The following LPP variants were observed in gnomAD, a reference collection of about 807,000 sequenced individuals.
LPP encodes LIM domain containing preferred translocation partner in lipoma, also known as lipoma-preferred partner.
In LPP, 38 loss-of-function variants were observed where a neutral mutation model predicts 60.4. That is an observed-to-expected ratio of 0.63 (90% CI 0.49 to 0.83). The LOEUF (loss-of-function observed/expected upper bound fraction) is 0.83. Ranked by LOEUF, LPP falls within the 40% of genes least tolerant of loss-of-function variation. LPP has a pLI of 0.00. For missense variants in LPP, 902 were observed against 783.6 expected (o/e 1.15, Z -1.80); for synonymous variants, 328 against 290.8 (o/e 1.13, Z -1.30).
chr3:188,648,682 C>T (rs1851541771), intron 7 of LPP, among the ~76,000 whole-genome samples: 1 of 152,104 alleles, frequency 6.6e-6, no homozygotes, highest in African/African-American at 2.4e-5. Flanking sequence ...ATAGTACCCT[C>T]ATTTGGGTAT....
rs375955625 is a variant in LPP, at chr3:188,353,641, G to GGTTC, written c.-10+11923_-10+11926dup. Among the ~76,000 whole-genome samples, 330 of 152,256 alleles carry GGTTC rather than the reference G, an allele frequency of 2.2e-3. 1 individual carries two copies. The highest frequency in any genetic ancestry group is 7.5e-3 in the African/African-American group (313 of 41,558). ...GAAGAGGTCTTACTTCATTGACAGT[G>GGTTC]GTTCAGCCTTCTGCTGAGGAGTCTT... On this transcript the variant is annotated intron_variant, in intron 3 of 11. Transcript: ENST00000617246.
intron 7 of LPP, among the ~76,000 whole-genome samples, chr3:188,660,138 C>T (rs1161170603): frequency 6.6e-6 from 1 of 152,044 alleles, no homozygotes; most frequent in Non-Finnish European, 1.5e-5. Flanking sequence ...CATAGATTTG[C>T]TTTTTGGTTT....
At chr3:188,821,835 C>T (rs949920538) in intron 9 of LPP, among the ~76,000 whole-genome samples, 17 of 152,008 alleles carry the variant, frequency 1.1e-4, no homozygotes, top group Admixed American at 9.2e-4. Context: ...TTTTTTTACT[C>T]ATTCTTCTAT....
chr3:188,782,068 C>A (rs1001742004), intron 9 of LPP, among the ~76,000 whole-genome samples: 1 of 152,084 alleles, frequency 6.6e-6, no homozygotes, highest in Non-Finnish European at 1.5e-5. Flanking sequence ...CATGGATCTT[C>A]TGATATGCTT....
At chr3:188,236,282 A>T (rs1222892266) in intron 2 of LPP, among the ~76,000 whole-genome samples, 1 of 152,190 alleles carries the variant, frequency 6.6e-6, no homozygotes, top group Non-Finnish European at 1.5e-5. Flanking sequence ...ACAAATGTAA[A>T]TTCACTGGCC....
rs1769966795 is a variant in LPP, at chr3:188,881,156, A to AAAAAAAAAAAAAAAAAAAAAAAAG, written c.*6679_*6680insAAAAAAAAAAAAAAAAAAAAAGAA. The AAAAAAAAAAAAAAAAAAAAAAAAG allele has an allele frequency of 6.0e-6, 1 of 167,204 alleles. No individual in the cohort carries two copies. The highest frequency in any genetic ancestry group is 1.3e-5 in the Non-Finnish European group (1 of 76,758). 10.4% of individuals were successfully genotyped at this position (167,204 alleles called of 1,614,324 possible). A position where few individuals can be genotyped will look rare whatever the true frequency, so the allele number is the denominator to read the frequency against. On this transcript the variant is annotated 3_prime_UTR_variant, in exon 12 of 12. Coordinates refer to ENST00000617246, the MANE Select transcript of LPP (RefSeq NM_001375462.1). Reference sequence around the variant, plus strand: ...CTCCGTCTCAAAAAAAAAAAAAAAAAAATAGGATCATGGCCCTTTTAAAGA... The same window carrying AAAAAAAAAAAAAAAAAAAAAAAAG: ...CTCCGTCTCAAAAAAAAAAAAAAAAAAAAAAAAAAAAAAAAAAAAAAAAGAATAGGATCATGGCCCTTTTAAAGA...
In LPP at chr3:188,875,162, T is replaced by G. The variant is rs1335595461; in HGVS notation, c.*683T>G. ...TTATCGGCCCATAGCTAATAAGTAG[T>G]GACAGACAACCAAGCTTCAATATTT... On this transcript the variant is annotated 3_prime_UTR_variant, in exon 12 of 12. Transcript: ENST00000617246. 3 of 217,718 alleles carry G rather than the reference T, an allele frequency of 1.4e-5. No individual in the cohort carries two copies. The highest frequency in any genetic ancestry group is 2.2e-5 in the African/African-American group (1 of 44,478). 13.5% of individuals were successfully genotyped at this position (217,718 alleles called of 1,614,324 possible).
intron 2 of LPP, among the ~76,000 whole-genome samples, chr3:188,239,012 A>T (rs1722884817): frequency 6.6e-6 from 1 of 152,264 alleles, no homozygotes; most frequent in Non-Finnish European, 1.5e-5. Flanking sequence ...TGTGATTCAA[A>T]GAATCCACAT....
intron 7 of LPP, among the ~76,000 whole-genome samples, chr3:188,667,443 A>G (rs993966917): frequency 4.7e-5 from 7 of 150,418 alleles, no homozygotes; most frequent in African/African-American, 1.7e-4. Context: ...ACACCACTGC[A>G]CTCCAGCCTG....
intron 2 of LPP, among the ~76,000 whole-genome samples, chr3:188,272,716 A>T (rs1052721368): frequency 1.3e-5 from 2 of 152,210 alleles, no homozygotes; most frequent in Admixed American, 6.5e-5. Context: ...AGTAAGCACA[A>T]TACATCTTTT....
chr3:188,222,671 C>T (rs1418516482), intron 1 of LPP, among the ~76,000 whole-genome samples: 3 of 152,004 alleles, frequency 2.0e-5, no homozygotes, highest in African/African-American at 7.3e-5. Flanking sequence ...GGGGGCAGCA[C>T]TAATTCAGGG....
chr3:188,713,088 T>C (rs1005242695), intron 8 of LPP, among the ~76,000 whole-genome samples: 8 of 152,036 alleles, frequency 5.3e-5, no homozygotes, highest in Admixed American at 3.9e-4. Context: ...AATGGAGAGG[T>C]CTCCTGGAAG....
intron 3 of LPP, among the ~76,000 whole-genome samples, chr3:188,402,165 T>A (rs1215319399): frequency 1.3e-5 from 2 of 152,084 alleles, no homozygotes; most frequent in Non-Finnish European, 2.9e-5. Context: ...AACCAGATAA[T>A]TCCAGTGTAG....
rs569394566 is a variant in LPP at position 188,376,558 on chromosome 3, A to G, written c.-9-29554A>G. On this transcript the variant is annotated intron_variant, in intron 3 of 11. Transcript: ENST00000617246. ...CCTTTTTTTGTTTTCCATTTGCTTG[A>G]TAGATCTTCCTCCATGCCTTTATTT... Among the ~76,000 whole-genome samples the G allele has an allele frequency of 4.0e-3, 603 of 152,070 alleles. 9 individuals are homozygous for G. The highest frequency in any genetic ancestry group is 0.014 in the African/African-American group (588 of 41,440).
At position 188,196,822 on chromosome 3, in the gene LPP, C is replaced by T. The variant is rs145711504; in HGVS notation, c.-189-28583C>T. ...ATGATCTTGTGCTCTAGGAATATACCTGGGATTCTCTGTAGCTCCCGTGAC... is the reference window on the plus strand; with the variant it reads ...ATGATCTTGTGCTCTAGGAATATACTTGGGATTCTCTGTAGCTCCCGTGAC... On this transcript the variant is annotated intron_variant, in intron 1 of 11. Transcript: ENST00000617246. 7.6e-3 allele frequency among the ~76,000 whole-genome samples: 1,150 copies of T among 152,242 alleles called. 8 individuals are homozygous for T. Among genetic ancestry groups the T allele is most frequent in the Non-Finnish European group, 0.013 (855 of 68,030 alleles).
At chr3:188,726,765 A>G (rs1296580567) in intron 8 of LPP, among the ~76,000 whole-genome samples, 1 of 152,202 alleles carries the variant, frequency 6.6e-6, no homozygotes, top group African/African-American at 2.4e-5. Context: ...AGGCAAATAA[A>G]CAGCAATAGC....
At position 188,809,760 on chromosome 3, in the gene LPP, C is replaced by A. The variant is rs141149767; in HGVS notation, c.1410+49478C>A. On this transcript the variant is annotated intron_variant, in intron 9 of 11. Coordinates refer to ENST00000617246, the MANE Select transcript of LPP (RefSeq NM_001375462.1). Reference sequence around the variant, plus strand: ...TTCCTCATGAAATCTTTGCCCATGCCTATGTCCTGAATGGTATTGTGTAAG... The same window carrying A: ...TTCCTCATGAAATCTTTGCCCATGCATATGTCCTGAATGGTATTGTGTAAG... 8.4e-3 allele frequency among the ~76,000 whole-genome samples: 1,281 copies of A among 152,220 alleles called. 17 individuals are homozygous for A. Among genetic ancestry groups the A allele is most frequent in the African/African-American group, 0.029 (1,219 of 41,530 alleles).
chr3:188,549,212 T>G (rs1827420103), intron 6 of LPP, among the ~76,000 whole-genome samples: 1 of 152,228 alleles, frequency 6.6e-6, no homozygotes, highest in Admixed American at 6.5e-5. Context: ...GAAGTCTGTA[T>G]AGCCTTGTTG....
At chr3:188,599,716 A>AT (rs1840680326) in intron 6 of LPP, among the ~76,000 whole-genome samples, 2 of 149,374 alleles carry the variant, frequency 1.3e-5, no homozygotes, top group African/African-American at 4.9e-5. Flanking sequence ...TTATGTGTGC[A>AT]TCTCTCTGGC....
Sources: gnomAD v4.1 joint callset for allele counts (sites outside exome capture counted in the v4.1 genomes callset) on GRCh38, gnomAD v4.1.1 for gene constraint, MANE v1.5 for transcripts, NCBI Gene and HGNC (gene_info 2026-07-23, HGNC 2026-07-21) for gene names.